Variants in G2E3 observed in about 807,000 individuals in gnomAD.
G2E3 encodes G2/M-phase specific E3 ubiquitin protein ligase.
A neutral mutation model predicts 92.8 loss-of-function variants in G2E3; 35 were observed. The ratio of observed to expected loss-of-function variants is 0.38; its 90% CI spans 0.29 to 0.50. G2E3 has a LOEUF of 0.50. Among genes scored for constraint, G2E3 ranks in the 20% least tolerant of loss-of-function variants. The probability of loss-of-function intolerance (pLI) is 0.94; values close to 1 mark genes in which losing one functional copy is unlikely to be tolerated. For missense variants in G2E3, 554 were observed against 823.8 expected, an observed-to-expected ratio of 0.67 and a Z score of 4.01; for synonymous variants, 242 against 272.4, an observed-to-expected ratio of 0.89 and a Z score of 1.10.
intron 13 of G2E3, 120 bp from the exon 14 acceptor site, chr14:30,615,218 GGTTTTTTGGTT>G: frequency 1.9e-6 from 1 of 540,292 alleles, no homozygotes; most frequent in Non-Finnish European, 3.3e-6. Context: ...CTCTTGTGGG[GGTTTTTTGGTT>G]GTTTTTTAAA....
chr14:30,615,631 TG>T (rs1882279896), intron 14 of G2E3, 92 bp downstream of exon 14: 2 of 752,140 alleles, frequency 2.7e-6, no homozygotes, highest in African/African-American at 3.6e-5. Flanking sequence ...TTTTGCCTTT[TG>T]GTATTAATAT....
intron 1 of G2E3, among the ~76,000 whole-genome samples, chr14:30,574,035 C>G (rs1474680497): frequency 6.6e-6 from 1 of 152,096 alleles, no homozygotes; most frequent in East Asian, 1.9e-4. Context: ...AGGAAAGTTG[C>G]AAGAAAAGTA....
intron 1 of G2E3, chr14:30,560,954 C>T (rs1879062195): frequency 3.3e-6 from 2 of 607,928 alleles, no homozygotes; most frequent in Non-Finnish European, 5.9e-6. Context: ...GGTTTGAAGC[C>T]CATCTCCACC....
chr14:30,573,730 G>C (rs561807489), intron 1 of G2E3: 1 of 152,076 alleles, frequency 6.6e-6, no homozygotes, highest in South Asian at 2.1e-4. Context: ...GTTTTATTCA[G>C]GCCCTCAGTG....
chr14:30,607,386 G>T (rs1226759769), intron 11 of G2E3, among the ~76,000 whole-genome samples: 2 of 152,098 alleles, frequency 1.3e-5, no homozygotes, highest in African/African-American at 4.8e-5. Context: ...AGGCTCTATG[G>T]TAAAGCCTAT....
intron 2 of G2E3, 151 bp downstream of exon 2, chr14:30,581,267 C>T: frequency 1.9e-6 from 1 of 536,544 alleles, no homozygotes; most frequent in Non-Finnish European, 3.4e-6. Flanking sequence ...TTTATTTCAA[C>T]AAAAACCTAT....
At chr14:30,597,308 AG>A in intron 6 of G2E3, 111 bp from the exon 7 acceptor site, 1 of 694,552 alleles carries the variant, frequency 1.4e-6, no homozygotes, top group Non-Finnish European at 2.6e-6. Context: ...CCACTAGCAT[AG>A]AAAATGTTTT....
chr14:30,588,600 G>A (rs891007364), intron 3 of G2E3, among the ~76,000 whole-genome samples: 4 of 152,102 alleles, frequency 2.6e-5, no homozygotes, highest in African/African-American at 7.2e-5. Flanking sequence ...GAACAGAAAA[G>A]TATAGTGATG....
At chr14:30,571,944 T>TAAA (rs34718480) in intron 1 of G2E3, among the ~76,000 whole-genome samples, 32 of 144,554 alleles carry the variant, frequency 2.2e-4, no homozygotes, top group African/African-American at 6.3e-4. Flanking sequence ...GCCAGTATCT[T>TAAA]AAAAAAAAAA....
intron 9 of G2E3, 25 bp downstream of exon 9, chr14:30,601,919 A>C (rs1566546436): frequency 6.2e-7 from 1 of 1,607,934 alleles, no homozygotes; most frequent in Non-Finnish European, 8.5e-7. Context: ...ATTTTGAATA[A>C]AGTTTTTATT....
intron 12 of G2E3, among the ~76,000 whole-genome samples, chr14:30,609,035 T>C (rs11622127): frequency 3.3e-5 from 5 of 152,224 alleles, no homozygotes; most frequent in African/African-American, 7.2e-5. Context: ...CCAACTCTTA[T>C]AACTACTATA....
chr14:30,609,672 C>G (rs1486850463), intron 12 of G2E3, among the ~76,000 whole-genome samples: 3 of 152,272 alleles, frequency 2.0e-5, no homozygotes, highest in Middle Eastern at 3.4e-3. Context: ...GTCTTGCTAG[C>G]ACATTGAGTC....
At chr14:30,611,584 C>G (rs1240691735) in intron 12 of G2E3, 1 of 152,102 alleles carries the variant, frequency 6.6e-6, no homozygotes, top group East Asian at 1.9e-4. Flanking sequence ...TTTTAATTCT[C>G]AGCTGTTACT....
chr14:30,599,806 T>G (rs959873964), intron 8 of G2E3, among the ~76,000 whole-genome samples: 3 of 152,230 alleles, frequency 2.0e-5, no homozygotes, highest in African/African-American at 7.2e-5. Flanking sequence ...CTGGAAAATT[T>G]TAAATTACAT....
At chr14:30,573,191 G>GA (rs985273061) in intron 1 of G2E3, among the ~76,000 whole-genome samples, 6 of 150,906 alleles carry the variant, frequency 4.0e-5, no homozygotes, top group East Asian at 1.9e-4. Context: ...ATTGATTCAT[G>GA]AAAAAAAAAT....
intron 2 of G2E3, among the ~76,000 whole-genome samples, chr14:30,586,263 C>T (rs1200440132): frequency 1.3e-5 from 2 of 152,158 alleles, no homozygotes; most frequent in African/African-American, 4.8e-5. Flanking sequence ...ACACGGGCCA[C>T]CCCAAGACCA....
intron 1 of G2E3, among the ~76,000 whole-genome samples, chr14:30,564,712 C>G (rs925875991): frequency 6.6e-6 from 1 of 151,988 alleles, no homozygotes; most frequent in African/African-American, 2.4e-5. Context: ...CTACCTAGTT[C>G]CAAAACATGT....
Position 30,615,371 on chromosome 14 carries a change from C to A in G2E3, c.1696C>A (p.Leu566Ile). The A allele has an allele frequency of 6.3e-7, 1 of 1,596,916 alleles. No homozygotes were observed. Among genetic ancestry groups the A allele is most frequent in the Non-Finnish European group, 8.5e-7 (1 of 1,172,056 alleles). Residue 566 changes from leucine (L) to isoleucine (I), a missense_variant, in exon 14 of 15, where the codon CTT becomes ATT. Physicochemically the swap from Leu to Ile is conservative, Grantham distance 5. Around this residue, in one of 3 missense-constraint regions of G2E3, gnomAD observed 397 missense variants for 560.3 expected, o/e 0.71. Coordinates refer to ENST00000206595, the MANE Select transcript of G2E3 (RefSeq NM_017769.5). ...AAGTTTTAAGCAGGGTCTGAAAACCCTTGGTGTTTTGGAGAAAATTCAGGC... is the reference window on the plus strand; with the variant it reads ...AAGTTTTAAGCAGGGTCTGAAAACCATTGGTGTTTTGGAGAAAATTCAGGC... ...FESFKQGLKTLGVLEKIQAYP... is the reference protein window; with the variant it reads ...FESFKQGLKTIGVLEKIQAYP...
intron 8 of G2E3, 127 bp from the exon 9 acceptor site, chr14:30,601,643 C>T: frequency 1.2e-6 from 1 of 842,038 alleles, no homozygotes; most frequent in Non-Finnish European, 1.9e-6. Flanking sequence ...CTTTTTCTTC[C>T]TTTAGTAAAT....
Sources: allele counts gnomAD v4.1 joint callset (sites outside exome capture counted in the v4.1 genomes callset), GRCh38; gene constraint gnomAD v4.1.1; regional missense constraint gnomAD v4.1.1; transcripts MANE v1.5; gene names NCBI Gene and HGNC (gene_info 2026-07-23, HGNC 2026-07-21).